The following LUZP2 variants were observed in gnomAD, a reference collection of about 807,000 sequenced individuals.
The protein encoded by LUZP2 is leucine zipper protein 2.
In LUZP2, 52 loss-of-function variants were observed where a neutral mutation model predicts 51.6. The ratio of observed to expected loss-of-function variants is 1.01; its 90% CI spans 0.81 to 1.27. The LOEUF is 1.27. LUZP2 is among the 50% of genes most tolerant of loss of function. The probability of loss-of-function intolerance (pLI) is 0.00; values close to 1 mark genes in which losing one functional copy is unlikely to be tolerated. For missense variants in LUZP2, 436 were observed against 395.4 expected, an observed-to-expected ratio of 1.10 and a Z score of -0.87; for synonymous variants, 154 against 137.3, an observed-to-expected ratio of 1.12 and a Z score of -0.85.
chr11:24,805,548 A>G (rs1243922156), intron 5 of LUZP2, among the ~76,000 whole-genome samples: 5 of 152,104 alleles, frequency 3.3e-5, no homozygotes, highest in Non-Finnish European at 5.9e-5. Flanking sequence ...TGCCCTACAG[A>G]TTTGTTCAGC....
chr11:24,706,109 G>A (rs898064753), intron 1 of LUZP2, among the ~76,000 whole-genome samples: 1 of 152,136 alleles, frequency 6.6e-6, no homozygotes, highest in African/African-American at 2.4e-5. Context: ...CCATATCAAG[G>A]AAGGAATAGT....
chr11:25,051,276 C>T (rs922726898), intron 10 of LUZP2, among the ~76,000 whole-genome samples: 6 of 151,512 alleles, frequency 4.0e-5, no homozygotes, highest in African/African-American at 1.5e-4. Flanking sequence ...GAGATGGCGC[C>T]GCTGCACTCC....
chr11:24,744,269 T>G (rs1205729565), intron 4 of LUZP2, among the ~76,000 whole-genome samples: 1 of 152,174 alleles, frequency 6.6e-6, no homozygotes, highest in Non-Finnish European at 1.5e-5. Context: ...TCTTGTGGCA[T>G]AGTGCCAAAA....
chr11:24,690,810 C>T (rs748699223), intron 1 of LUZP2, among the ~76,000 whole-genome samples: 1 of 152,026 alleles, frequency 6.6e-6, no homozygotes, highest in Non-Finnish European at 1.5e-5. Context: ...AGGAACTGAA[C>T]ATGTTCTAGA....
intron 9 of LUZP2, among the ~76,000 whole-genome samples, chr11:25,020,089 T>G (rs530426623): frequency 1.3e-5 from 2 of 152,198 alleles, no homozygotes; most frequent in Non-Finnish European, 1.5e-5. Context: ...TCTTGAAAAT[T>G]TAACATATTT....
chr11:24,906,139 C>T, intron 6 of LUZP2, 86 bp downstream of exon 6: 1 of 795,764 alleles, frequency 1.3e-6, no homozygotes, highest in Non-Finnish European at 2.0e-6. Context: ...CATCTGGTAA[C>T]TCTTTTTCCT....
At chr11:24,749,779 A>C (rs1168126417) in intron 4 of LUZP2, among the ~76,000 whole-genome samples, 1 of 151,832 alleles carries the variant, frequency 6.6e-6, no homozygotes, top group Non-Finnish European at 1.5e-5. Context: ...TGGCCTTTGG[A>C]TTCTTGGACT....
intron 5 of LUZP2, among the ~76,000 whole-genome samples, chr11:24,799,319 C>T (rs900189535): frequency 3.3e-5 from 5 of 151,998 alleles, no homozygotes; most frequent in Admixed American, 1.3e-4. Flanking sequence ...TCAAAGGGGC[C>T]GGGTGTGGTG....
intron 10 of LUZP2, among the ~76,000 whole-genome samples, chr11:25,050,783 C>CA (rs1399578909): frequency 2.0e-5 from 3 of 152,036 alleles, no homozygotes; most frequent in Non-Finnish European, 2.9e-5. Flanking sequence ...CAAAAGCCAA[C>CA]AAAAAACCTT....
rs762783213 is a variant in LUZP2 at position 24,611,276 on chromosome 11, G to C, written c.62+113971G>C. Among the ~76,000 whole-genome samples the C allele has an allele frequency of 6.6e-6, 1 of 151,988 alleles. No homozygotes were observed. On this transcript the variant is annotated intron_variant, in intron 1 of 11. Transcript: ENST00000336930. This position sits in a 1 kb window ranked among gnomAD's most constrained non-coding sequence, Gnocchi z 4.6. ...TGCCCTCAAGCAACTCAAAGCTTAA[G>C]GGAGCAAAATAATAACAAAAATGCT...
At chr11:24,525,124 T>C (rs546520136) in intron 1 of LUZP2, among the ~76,000 whole-genome samples, 1 of 151,774 alleles carries the variant, frequency 6.6e-6, no homozygotes, top group Non-Finnish European at 1.5e-5. Context: ...AATATTTTTC[T>C]TCACCAATAT....
At chr11:24,755,244 T>A (rs751132576) in intron 4 of LUZP2, among the ~76,000 whole-genome samples, 1 of 152,210 alleles carries the variant, frequency 6.6e-6, no homozygotes, top group African/African-American at 2.4e-5. Flanking sequence ...ATAATACCAA[T>A]GTACAAAGTG....
chr11:24,616,348 A>G (rs1854285341), intron 1 of LUZP2, among the ~76,000 whole-genome samples: 1 of 151,984 alleles, frequency 6.6e-6, no homozygotes. Flanking sequence ...ATTGTTTTAC[A>G]TGTTACACTT....
intron 4 of LUZP2, among the ~76,000 whole-genome samples, chr11:24,738,858 C>T (rs968816962): frequency 3.3e-5 from 5 of 152,172 alleles, no homozygotes; most frequent in South Asian, 4.1e-4. Flanking sequence ...GCTCTTACTA[C>T]GAATATTTAC....
Position 24,600,002 on chromosome 11 carries a change from A to T in LUZP2, c.62+102697A>T, listed in dbSNP as rs1853568084. Among the ~76,000 whole-genome samples the T allele has an allele frequency of 3.3e-5, 5 of 152,092 alleles. No individual in the cohort carries two copies. In the South Asian group the frequency reaches 1.0e-3, roughly 32 times the overall value. ...TATTATTAAAAACAGCAGCTATAAA[A>T]TATTCTCCATAAAAGATATGTTGAA... On this transcript the variant is annotated intron_variant, in intron 1 of 11. Coordinates refer to ENST00000336930, the MANE Select transcript of LUZP2 (RefSeq NM_001009909.4).
At chr11:24,653,110 A>G (rs1855681749) in intron 1 of LUZP2, among the ~76,000 whole-genome samples, 1 of 152,174 alleles carries the variant, frequency 6.6e-6, no homozygotes, top group Non-Finnish European at 1.5e-5. Flanking sequence ...GTAAGCACTT[A>G]TCTGAGAATA....
intron 1 of LUZP2, among the ~76,000 whole-genome samples, chr11:24,614,106 G>A (rs12275246): frequency 0.22 from 33,198 of 151,690 alleles, 4,409 homozygotes; most frequent in African/African-American, 0.37. Flanking sequence ...CATAATAGAT[G>A]CTTGGTGAGT....
intron 10 of LUZP2, among the ~76,000 whole-genome samples, chr11:25,054,697 AT>A (rs1218559923): frequency 6.6e-6 from 1 of 151,628 alleles, no homozygotes; most frequent in East Asian, 1.9e-4. Context: ...CTAATACCGT[AT>A]TTTCTTGTTT....
intron 7 of LUZP2, among the ~76,000 whole-genome samples, chr11:24,965,641 A>C (rs1189469471): frequency 6.6e-6 from 1 of 151,862 alleles, no homozygotes; most frequent in East Asian, 1.9e-4. Context: ...TTAATAAACT[A>C]GTATGATAAT....
Sources: allele counts gnomAD v4.1 joint callset (sites outside exome capture counted in the v4.1 genomes callset), GRCh38; gene constraint gnomAD v4.1.1; non-coding constraint Gnocchi (gnomAD v3.1); transcripts MANE v1.5; gene names NCBI Gene and HGNC (gene_info 2026-07-23, HGNC 2026-07-21).